The following CTNND2 variants were observed in gnomAD, a reference collection of about 807,000 sequenced individuals.
The protein encoded by CTNND2 is catenin delta 2, also known as catenin delta-2.
In CTNND2, 22 loss-of-function variants were observed where a neutral mutation model predicts 144.4. The ratio of observed to expected loss-of-function variants is 0.15; its 90% CI spans 0.11 to 0.22. The LOEUF is 0.22. Ranked by LOEUF, CTNND2 falls within the 10% of genes least tolerant of loss-of-function variation. CTNND2 has a pLI of 1.00. For missense variants in CTNND2, 1,353 were observed against 1,618.8 expected (o/e 0.84, Z 2.82); for synonymous variants, 751 against 695.6 (o/e 1.08, Z -1.25).
chr5:11,550,896 G>T (rs1412528334), intron 3 of CTNND2, among the ~76,000 whole-genome samples: 1 of 152,170 alleles, frequency 6.6e-6, no homozygotes, highest in African/African-American at 2.4e-5. Flanking sequence ...TTTTTTTGAA[G>T]TAAGTAATAG....
At chr5:11,189,584 T>C (rs1227556115) in intron 11 of CTNND2, among the ~76,000 whole-genome samples, 2 of 152,220 alleles carry the variant, frequency 1.3e-5, no homozygotes, top group Non-Finnish European at 2.9e-5. Flanking sequence ...CTTACACTGT[T>C]GTAAAAATAG....
intron 2 of CTNND2, among the ~76,000 whole-genome samples, chr5:11,625,865 T>C (rs1781126052): frequency 1.3e-5 from 2 of 152,254 alleles, no homozygotes; most frequent in African/African-American, 4.8e-5. Context: ...TTGGTCAGTA[T>C]TACAATTTGT....
chr5:11,677,449 T>G (rs1784226785), intron 2 of CTNND2, among the ~76,000 whole-genome samples: 3 of 152,172 alleles, frequency 2.0e-5, no homozygotes, highest in Admixed American at 2.0e-4. Context: ...TAAATTTGAT[T>G]TGTCTGAAGT....
At chr5:11,577,697 T>A (rs185321709) in intron 2 of CTNND2, among the ~76,000 whole-genome samples, 21 of 152,286 alleles carry the variant, frequency 1.4e-4, no homozygotes, top group African/African-American at 5.1e-4. Flanking sequence ...ATTGGAAGTT[T>A]GACATAAGCA....
At chr5:11,160,966 T>C (rs1427011901) in intron 11 of CTNND2, among the ~76,000 whole-genome samples, 2 of 152,170 alleles carry the variant, frequency 1.3e-5, no homozygotes, top group Non-Finnish European at 2.9e-5. Context: ...TCAATAAAAA[T>C]GTGACTACAG....
chr5:11,512,125 C>T (rs116896566), intron 3 of CTNND2, among the ~76,000 whole-genome samples: 2 of 152,294 alleles, frequency 1.3e-5, no homozygotes, highest in African/African-American at 2.4e-5. Flanking sequence ...ATATGACCTA[C>T]GCAGTCTCAT....
chr5:11,766,861 T>C (rs1322151638), intron 1 of CTNND2, among the ~76,000 whole-genome samples: 1 of 152,156 alleles, frequency 6.6e-6, no homozygotes, highest in African/African-American at 2.4e-5. Context: ...TTCAGGGCAA[T>C]ATTTCTAAGT....
intron 2 of CTNND2, among the ~76,000 whole-genome samples, chr5:11,703,657 C>T (rs1166913475): frequency 6.6e-6 from 1 of 152,186 alleles, no homozygotes; most frequent in Non-Finnish European, 1.5e-5. Flanking sequence ...TCTCTGCCCT[C>T]AGGGAGTAGA....
intron 1 of CTNND2, among the ~76,000 whole-genome samples, chr5:11,858,725 G>A (rs1226532871): frequency 6.6e-6 from 1 of 152,108 alleles, no homozygotes; most frequent in Non-Finnish European, 1.5e-5. Context: ...GTCAGGAGAT[G>A]GAGACCATCC....
chr5:11,058,654 G>A (rs922751980), intron 16 of CTNND2, among the ~76,000 whole-genome samples: 11 of 152,216 alleles, frequency 7.2e-5, no homozygotes, highest in African/African-American at 9.6e-5. Flanking sequence ...GCTGTGAGAA[G>A]AGGGCTACCA....
At chr5:11,127,087 A>C (rs1398948582) in intron 12 of CTNND2, among the ~76,000 whole-genome samples, 8 of 152,198 alleles carry the variant, frequency 5.3e-5, no homozygotes, top group African/African-American at 1.9e-4. Flanking sequence ...CCTGGCAGGG[A>C]GCCATGGCAT....
chr5:11,713,541 G>A lies in CTNND2; in HGVS notation c.174+18595C>T, dbSNP rs138136496. On this transcript the variant is annotated intron_variant, in intron 2 of 21. Coordinates refer to ENST00000304623, the MANE Select transcript of CTNND2 (RefSeq NM_001332.4). ...CTGCAGTGAGCCAAGATTGCTCCAC[G>A]CCACTACAGTCCAGTCTGGGTGACA... Among the ~76,000 whole-genome samples, 1,287 of 129,754 alleles carry A rather than the reference G, an allele frequency of 9.9e-3. 10 individuals carry two copies. Among genetic ancestry groups the A allele is most frequent in the Non-Finnish European group, 0.015 (1,005 of 65,454 alleles). 85.1% of individuals were successfully genotyped at this position (129,754 alleles called of 152,430 possible). A position where few individuals can be genotyped will look rare whatever the true frequency, so the allele number is the denominator to read the frequency against.
intron 1 of CTNND2, among the ~76,000 whole-genome samples, chr5:11,879,371 A>ATATGTATATATATATATATATATG (rs1258913037): frequency 7.3e-6 from 1 of 137,228 alleles, no homozygotes; most frequent in Non-Finnish European, 1.6e-5. Context: ...ATACACACAC[A>ATATGTATATATATATATATATATG]CACAAACATA....
At chr5:11,498,402 C>G (rs1197798107) in intron 3 of CTNND2, among the ~76,000 whole-genome samples, 11 of 152,280 alleles carry the variant, frequency 7.2e-5, no homozygotes, top group Non-Finnish European at 4.4e-5. Flanking sequence ...TAAAAGATGG[C>G]TTGTTAGGCC....
intron 3 of CTNND2, among the ~76,000 whole-genome samples, chr5:11,557,387 C>G (rs577170227): frequency 6.6e-6 from 1 of 152,192 alleles, no homozygotes; most frequent in South Asian, 2.1e-4. Context: ...CAAGTTCATG[C>G]AAGTTATTAC....
intron 1 of CTNND2, among the ~76,000 whole-genome samples, chr5:11,752,263 T>C (rs2126787727): frequency 6.6e-6 from 1 of 152,086 alleles, no homozygotes; most frequent in South Asian, 2.1e-4. Flanking sequence ...GTCTCCATCA[T>C]GAAATCTTTA....
intron 2 of CTNND2, among the ~76,000 whole-genome samples, chr5:11,592,614 G>T (rs1779310502): frequency 6.7e-6 from 1 of 149,320 alleles, no homozygotes; most frequent in Non-Finnish European, 1.5e-5. Context: ...GTATTCTTAA[G>T]TAAAAAAAAA....
At chr5:11,618,817 G>GTATAC (rs1330939504) in intron 2 of CTNND2, among the ~76,000 whole-genome samples, 6 of 151,954 alleles carry the variant, frequency 3.9e-5, no homozygotes, top group Non-Finnish European at 7.4e-5. Flanking sequence ...AGTATCATTT[G>GTATAC]TATACTCATT....
At position 11,175,799 on chromosome 5, in the gene CTNND2, G is replaced by C. The variant is rs72730925; in HGVS notation, c.1976-16040C>G. Among the ~76,000 whole-genome samples the C allele has an allele frequency of 2.2e-3, 335 of 151,996 alleles. 1 individual carries two copies. The highest frequency in any genetic ancestry group is 4.1e-3 in the Non-Finnish European group (276 of 67,994). On this transcript the variant is annotated intron_variant, in intron 11 of 21. Coordinates refer to ENST00000304623, the MANE Select transcript of CTNND2 (RefSeq NM_001332.4). ...AGAGTCTACACATTTTAAATACTGA[G>C]GTATATTGCCAAAATGCTCTCCAGA...
Sources: allele counts gnomAD v4.1 joint callset (sites outside exome capture counted in the v4.1 genomes callset), GRCh38; gene constraint gnomAD v4.1.1; transcripts MANE v1.5; gene names NCBI Gene and HGNC (gene_info 2026-07-23, HGNC 2026-07-21).